ME3: variants seen among roughly 807,000 people sequenced by gnomAD.
ME3 encodes malic enzyme 3, also known as NADP-dependent malic enzyme, mitochondrial.
ME3 carries 48 observed loss-of-function variants against 68.9 expected under a neutral mutation model. The ratio of observed to expected loss-of-function variants is 0.70; its 90% confidence interval spans 0.55 to 0.89. The LOEUF (loss-of-function observed/expected upper bound fraction) is 0.89. ME3 is among the 40% of genes least tolerant of loss of function. The pLI is 0.00. For missense variants in ME3, 675 were observed against 797.4 expected, an observed-to-expected ratio of 0.85 and a Z score of 1.85; for synonymous variants, 320 against 318.8, an observed-to-expected ratio of 1.00 and a Z score of -0.04.
intron 2 of ME3, among the ~76,000 whole-genome samples, chr11:86,667,052 C>T (rs1807569815): frequency 6.6e-6 from 1 of 152,232 alleles, no homozygotes; most frequent in Non-Finnish European, 1.5e-5. Flanking sequence ...GTACAGCCAA[C>T]ACTGCAGCAC....
intron 12 of ME3, 97 bp downstream of exon 12, chr11:86,446,968 A>G (rs1463918318): frequency 1.4e-6 from 2 of 1,443,650 alleles, no homozygotes; most frequent in Non-Finnish European, 1.9e-6. Flanking sequence ...CAGTTTGCTC[A>G]TCAGCGATGT....
intron 2 of ME3, among the ~76,000 whole-genome samples, chr11:86,606,715 C>T (rs1201286584): frequency 1.3e-5 from 2 of 152,158 alleles, no homozygotes; most frequent in African/African-American, 4.8e-5. Context: ...TCTCCCAGTA[C>T]AGAAAAGTGG....
chr11:86,486,847 C>T (rs556273540), intron 7 of ME3, among the ~76,000 whole-genome samples: 1 of 152,306 alleles, frequency 6.6e-6, no homozygotes, highest in South Asian at 2.1e-4. Flanking sequence ...GAAGAGATGA[C>T]ACCTCATAAA....
At chr11:86,456,363 C>T (rs1335416627) in intron 8 of ME3, among the ~76,000 whole-genome samples, 1 of 152,132 alleles carries the variant, frequency 6.6e-6, no homozygotes, top group Non-Finnish European at 1.5e-5. Flanking sequence ...TGGGTGTCAA[C>T]CGTCTTCTGG....
At chr11:86,504,380 C>CT (rs35899335) in intron 5 of ME3, among the ~76,000 whole-genome samples, 8,255 of 77,380 alleles carry the variant, frequency 0.11, 2,124 homozygotes, top group Non-Finnish European at 0.15. Flanking sequence ...CCTATACATT[C>CT]TTTTTTTTTT....
intron 2 of ME3, among the ~76,000 whole-genome samples, chr11:86,611,536 A>T (rs1447599531): frequency 6.8e-6 from 1 of 147,862 alleles, no homozygotes; most frequent in Non-Finnish European, 1.5e-5. Flanking sequence ...TATATTATAT[A>T]TATCAAATCA....
chr11:86,523,042 C>G (rs1954442928), intron 4 of ME3, among the ~76,000 whole-genome samples: 1 of 152,182 alleles, frequency 6.6e-6, no homozygotes, highest in African/African-American at 2.4e-5. Context: ...CTTCAATTCA[C>G]TCTTTGCCAA....
At chr11:86,500,601 G>A (rs1192331333) in intron 5 of ME3, among the ~76,000 whole-genome samples, 12 of 152,136 alleles carry the variant, frequency 7.9e-5, no homozygotes, top group African/African-American at 2.7e-4. Flanking sequence ...ACTTTGAACT[G>A]TCCATAGAAT....
intron 2 of ME3, among the ~76,000 whole-genome samples, chr11:86,610,367 G>T (rs542714833): frequency 6.6e-6 from 1 of 152,232 alleles, no homozygotes; most frequent in South Asian, 2.1e-4. Flanking sequence ...TAAATACCTT[G>T]AGACCTCAAA....
intron 2 of ME3, among the ~76,000 whole-genome samples, chr11:86,617,852 C>CA (rs1054616258): frequency 1.3e-5 from 2 of 152,070 alleles, no homozygotes; most frequent in African/African-American, 4.8e-5. Context: ...ACCTGATCTA[C>CA]AAGTTAGGGT....
At chr11:86,525,122 C>T (rs183278985) in intron 4 of ME3, among the ~76,000 whole-genome samples, 1 of 152,164 alleles carries the variant, frequency 6.6e-6, no homozygotes, top group Non-Finnish European at 1.5e-5. Flanking sequence ...AGACTTAGAC[C>T]CAAATTCTAG....
rs576498604 is a variant in ME3 at position 86,562,977 on chromosome 11, G to A, written c.184-3154C>T. 1.6e-4 allele frequency among the ~76,000 whole-genome samples: 25 copies of A among 152,038 alleles called. No homozygotes were observed. The South Asian group carries it at 4.6e-3, about 28-fold the overall frequency. On this transcript the variant is annotated intron_variant, in intron 2 of 14. Coordinates refer to ENST00000543262, the Ensembl canonical transcript of ME3. ...TAAGGATTATCCTCCAATTGCATTCGTGTTGCTGCAAAAAACATGACTTCA... is the reference window on the plus strand; with the variant it reads ...TAAGGATTATCCTCCAATTGCATTCATGTTGCTGCAAAAAACATGACTTCA...
At chr11:86,443,847 G>A (rs1949140495) in intron 13 of ME3, among the ~76,000 whole-genome samples, 1 of 152,154 alleles carries the variant, frequency 6.6e-6, no homozygotes, top group Non-Finnish European at 1.5e-5. Context: ...CAGAGAGAAG[G>A]CCAAGTCTGT....
chr11:86,598,330 C>G (rs34631227), intron 2 of ME3, among the ~76,000 whole-genome samples: 1 of 152,202 alleles, frequency 6.6e-6, no homozygotes, highest in Non-Finnish European at 1.5e-5. Context: ...CCTACGCCCA[C>G]GGAGTCTCGC....
intron 4 of ME3, among the ~76,000 whole-genome samples, chr11:86,526,767 G>C (rs948822626): frequency 6.6e-6 from 1 of 152,206 alleles, no homozygotes; most frequent in Non-Finnish European, 1.5e-5. Flanking sequence ...GGTCTGGAGT[G>C]GACCTCCAGC....
At chr11:86,663,640 A>G (rs1447012166) in intron 2 of ME3, among the ~76,000 whole-genome samples, 1 of 152,230 alleles carries the variant, frequency 6.6e-6, no homozygotes, top group Non-Finnish European at 1.5e-5. Context: ...ATGGCCATAG[A>G]AATCAAAAGG....
exon 7 of ME3, chr11:86,487,347 C>T: frequency 1.2e-6 from 2 of 1,614,088 alleles, no homozygotes; most frequent in Non-Finnish European, 8.5e-7. Context: ...TTGTCTGTCA[C>T]AGCCTGCATG....
At chr11:86,598,319 T>A (rs901362672) in intron 2 of ME3, among the ~76,000 whole-genome samples, 4 of 152,088 alleles carry the variant, frequency 2.6e-5, no homozygotes, top group Non-Finnish European at 5.9e-5. Flanking sequence ...GCTTGGAGGG[T>A]CCTACGCCCA....
At chr11:86,633,633 G>T (rs1340895582) in intron 2 of ME3, among the ~76,000 whole-genome samples, 1 of 152,190 alleles carries the variant, frequency 6.6e-6, no homozygotes, top group Admixed American at 6.5e-5. Flanking sequence ...TACTCTCATG[G>T]GTGTCTTGGC....
Sources: gnomAD v4.1 joint callset for allele counts (sites outside exome capture counted in the v4.1 genomes callset) on GRCh38, gnomAD v4.1.1 for gene constraint, MANE v1.5 for transcripts, NCBI Gene and HGNC (gene_info 2026-07-23, HGNC 2026-07-21) for gene names.